PTPRD: variants seen among roughly 807,000 people sequenced by gnomAD.
The protein encoded by PTPRD is receptor-type tyrosine-protein phosphatase delta.
In PTPRD, 34 loss-of-function variants were observed where a neutral mutation model predicts 214.5. The observed-to-expected ratio is 0.16, with a 90% CI of 0.12 to 0.21. The LOEUF (loss-of-function observed/expected upper bound fraction) is 0.21. Among genes scored for constraint, PTPRD ranks in the 10% least tolerant of loss-of-function variants. The probability of loss-of-function intolerance (pLI) is 1.00; values close to 1 mark genes in which losing one functional copy is unlikely to be tolerated. For missense variants in PTPRD, 2,545 were observed against 2,398.7 expected (o/e 1.06, Z -1.27); for synonymous variants, 1,128 against 845.7 (o/e 1.33, Z -5.79).
chr9:8,556,553 A>ATTTTATATTTCTTTTTTTTTTTTTTT (rs761184510), intron 14 of PTPRD, among the ~76,000 whole-genome samples: 117 of 151,866 alleles, frequency 7.7e-4, no homozygotes, highest in African/African-American at 2.8e-3. Flanking sequence ...ATACTTGTGT[A>ATTTTATATTTCTTTTTTTTTTTTTTT]TTTTATATTT....
intron 3 of PTPRD, among the ~76,000 whole-genome samples, chr9:10,059,446 C>T (rs1197622194): frequency 4.6e-5 from 7 of 152,080 alleles, no homozygotes; most frequent in Non-Finnish European, 8.8e-5. Flanking sequence ...CTAACCATTT[C>T]TTACAGTAAT....
At chr9:8,736,017 A>T (rs1186042432) in intron 11 of PTPRD, among the ~76,000 whole-genome samples, 2 of 152,204 alleles carry the variant, frequency 1.3e-5, no homozygotes, top group African/African-American at 4.8e-5. Context: ...AACTACAAAA[A>T]GAGCCATTTA....
intron 6 of PTPRD, among the ~76,000 whole-genome samples, chr9:9,735,726 C>T (rs1310979334): frequency 6.6e-6 from 1 of 152,072 alleles, no homozygotes; most frequent in Non-Finnish European, 1.5e-5. Flanking sequence ...ACTGAATTCT[C>T]TAGCCTGGCT....
chr9:9,396,888 G>A (rs561999301), intron 9 of PTPRD, among the ~76,000 whole-genome samples: 25 of 152,110 alleles, frequency 1.6e-4, no homozygotes, highest in Middle Eastern at 3.4e-3. Flanking sequence ...AATATGTTGT[G>A]TTTATTCTTC....
intron 8 of PTPRD, among the ~76,000 whole-genome samples, chr9:9,447,244 G>A (rs565262202): frequency 2.0e-5 from 3 of 151,994 alleles, no homozygotes; most frequent in East Asian, 2.0e-4. Flanking sequence ...TATTCACAAC[G>A]GCAAAGACAT....
intron 11 of PTPRD, among the ~76,000 whole-genome samples, chr9:8,960,895 A>G (rs926338956): frequency 6.6e-6 from 1 of 152,156 alleles, no homozygotes; most frequent in Non-Finnish European, 1.5e-5. Flanking sequence ...CCAAGGTACT[A>G]TATGAAATCA....
chr9:8,729,311 A>G (rs1180060645), intron 12 of PTPRD, among the ~76,000 whole-genome samples: 1 of 152,146 alleles, frequency 6.6e-6, no homozygotes, highest in Non-Finnish European at 1.5e-5. Flanking sequence ...TTGATCTTCA[A>G]TTTAATGCCC....
At chr9:9,947,436 T>TATAA (rs2092810778) in intron 4 of PTPRD, among the ~76,000 whole-genome samples, 2 of 28,472 alleles carry the variant, frequency 7.0e-5, no homozygotes, top group African/African-American at 3.8e-4. Context: ...TATATATATA[T>TATAA]TATATATTTT....
Position 8,331,571 on chromosome 9 carries a change from T to TGGAAACTTACCTGC in PTPRD, c.5531_5534+10dup. 2.3e-6 allele frequency: 2 copies of TGGAAACTTACCTGC among 851,204 alleles called. No individual in the cohort carries two copies. The highest frequency in any genetic ancestry group is 3.0e-6 in the Non-Finnish European group (2 of 669,958). 52.7% of individuals were successfully genotyped at this position (851,204 alleles called of 1,614,324 possible). On this transcript the variant is annotated intron_variant, in intron 44 of 45. Coordinates refer to ENST00000381196, the MANE Select transcript of PTPRD (RefSeq NM_002839.4). The stretch of plus-strand genomic sequence containing the variant: ...CACTTATCACTGCTTTATTCACAAA[T>TGGAAACTTACCTGC]GGAAACTTACCTGCAATGGACTGAA...
chr9:9,617,262 C>T (rs1057011535), intron 7 of PTPRD, among the ~76,000 whole-genome samples: 6 of 152,076 alleles, frequency 3.9e-5, no homozygotes, highest in African/African-American at 7.2e-5. Context: ...TTAGACTCCT[C>T]GTAGCCAGTC....
chr9:9,570,695 A>T (rs1452781774), intron 8 of PTPRD, among the ~76,000 whole-genome samples: 2 of 151,482 alleles, frequency 1.3e-5, no homozygotes, highest in Admixed American at 6.6e-5. Context: ...ACAGAGATCG[A>T]TAATTTAGAA....
intron 9 of PTPRD, among the ~76,000 whole-genome samples, chr9:9,363,687 T>A (rs919203060): frequency 2.0e-5 from 3 of 151,276 alleles, no homozygotes; most frequent in Non-Finnish European, 4.4e-5. Flanking sequence ...AGCTCAAATA[T>A]TCAGCAGCCT....
chr9:9,560,880 GC>G lies in PTPRD; in HGVS notation c.-237+13851del, dbSNP rs1379433247. Among the ~76,000 whole-genome samples, 3 of 152,094 alleles carry G rather than the reference GC, an allele frequency of 2.0e-5. No individual in the cohort carries two copies. The East Asian group carries it at 5.8e-4, about 29-fold the overall frequency. ...ACAGCTGTGCAGCAGGTTCTCCCTT[GC>G]CTTCATGGTCAGTAGCTTAACTCTT... On this transcript the variant is annotated intron_variant, in intron 8 of 45. Coordinates refer to ENST00000381196, the MANE Select transcript of PTPRD (RefSeq NM_002839.4).
At chr9:8,332,328 T>C (rs527963194) in intron 43 of PTPRD, among the ~76,000 whole-genome samples, 3 of 152,120 alleles carry the variant, frequency 2.0e-5, no homozygotes, top group Non-Finnish European at 2.9e-5. Flanking sequence ...TTAACCTGGA[T>C]GCCCCCCATG....
At chr9:9,104,295 T>C (rs1401180268) in intron 10 of PTPRD, among the ~76,000 whole-genome samples, 1 of 151,818 alleles carries the variant, frequency 6.6e-6, no homozygotes, top group African/African-American at 2.4e-5. Context: ...AATTATCATG[T>C]ATCATTCTTT....
chr9:9,761,323 A>T (rs1235166684), intron 6 of PTPRD, among the ~76,000 whole-genome samples: 1 of 152,226 alleles, frequency 6.6e-6, no homozygotes, highest in African/African-American at 2.4e-5. Context: ...CATGTTTAAA[A>T]TGACAACATT....
intron 10 of PTPRD, among the ~76,000 whole-genome samples, chr9:9,114,406 C>T (rs187634884): frequency 1.3e-5 from 2 of 152,270 alleles, no homozygotes; most frequent in Admixed American, 1.3e-4. Flanking sequence ...AAATCCTATT[C>T]AGGGCTTGTA....
At chr9:9,667,372 C>A (rs2096743809) in intron 7 of PTPRD, among the ~76,000 whole-genome samples, 1 of 152,098 alleles carries the variant, frequency 6.6e-6, no homozygotes, top group African/African-American at 2.4e-5. Context: ...TCTTATAGTG[C>A]TCAACTACTG....
At chr9:8,939,263 T>C (rs1228317610) in intron 11 of PTPRD, among the ~76,000 whole-genome samples, 2 of 152,156 alleles carry the variant, frequency 1.3e-5, no homozygotes, top group Admixed American at 6.5e-5. Context: ...GAACAGCTCA[T>C]TTAAATTCTA....
Sources: gnomAD v4.1 joint callset for allele counts (sites outside exome capture counted in the v4.1 genomes callset) on GRCh38, gnomAD v4.1.1 for gene constraint, MANE v1.5 for transcripts, NCBI Gene and HGNC (gene_info 2026-07-23, HGNC 2026-07-21) for gene names.